CEP350: variants seen among roughly 807,000 people sequenced by gnomAD.
CEP350 encodes centrosome-associated protein 350.
Under a neutral mutation model 331.8 loss-of-function variants are expected in CEP350, and 126 were observed. That is an observed-to-expected ratio of 0.38 (90% CI 0.33 to 0.44). The LOEUF is 0.44. CEP350 is among the 20% of genes least tolerant of loss of function. The probability of loss-of-function intolerance (pLI) is 1.00; values close to 1 mark genes in which losing one functional copy is unlikely to be tolerated. For synonymous variants in CEP350, 1,200 were observed against 1,259.5 expected (o/e 0.95, Z 1.00); for missense variants, 3,406 against 3,634.6 (o/e 0.94, Z 1.62).
intron 37 of CEP350, among the ~76,000 whole-genome samples, chr1:180,100,453 T>G (rs1157701807): frequency 6.6e-6 from 1 of 152,242 alleles, no homozygotes; most frequent in Non-Finnish European, 1.5e-5. Flanking sequence ...TTAAGAGGCA[T>G]TCATCTAACC....
At chr1:179,976,189 T>G (rs1651852444) in intron 1 of CEP350, among the ~76,000 whole-genome samples, 1 of 151,956 alleles carries the variant, frequency 6.6e-6, no homozygotes, top group African/African-American at 2.4e-5. Context: ...TTTTAATGTT[T>G]AAATTGTTCT....
At chr1:180,102,134 A>AT (rs750296355) in intron 37 of CEP350, among the ~76,000 whole-genome samples, 3,591 of 133,904 alleles carry the variant, frequency 0.027, 134 homozygotes, top group African/African-American at 0.081. Flanking sequence ...CACCCTTGAC[A>AT]TTTTTTTTTT....
intron 22 of CEP350, among the ~76,000 whole-genome samples, chr1:180,049,314 A>G (rs1275579121): frequency 2.6e-5 from 4 of 152,232 alleles, no homozygotes; most frequent in African/African-American, 4.8e-5. Context: ...TGTTTGTGCC[A>G]TATCTCAAGT....
At chr1:180,073,986 T>G in intron 27 of CEP350, 1 of 1,221,532 alleles carries the variant, frequency 8.2e-7, no homozygotes, top group South Asian at 1.3e-5. Context: ...TGCTTTTCTC[T>G]CTCTCTCTCT....
chr1:180,095,684 A>G lies in CEP350; in HGVS notation c.8673A>G (p.Ala2891=). Reference sequence around the variant, plus strand: ...CTCACAAGATCCAAAAAAATAAGGCAGAAGAAACCATTGTACCTCTAATGG... The same window carrying G: ...CTCACAAGATCCAAAAAAATAAGGCGGAAGAAACCATTGTACCTCTAATGG... ...SSSHKIQKNK[A]EETIVPLMAE... The change falls in exon 35 of 38, where the codon GCA becomes GCG. Residue 2891 remains alanine (A), a synonymous_variant. Coordinates refer to ENST00000367607, the MANE Select transcript of CEP350 (RefSeq NM_014810.5). 1 of 1,614,008 alleles carries G rather than the reference A, an allele frequency of 6.2e-7. No homozygotes were observed. The highest frequency in any genetic ancestry group is 8.5e-7 in the Non-Finnish European group (1 of 1,179,888).
intron 32 of CEP350, among the ~76,000 whole-genome samples, chr1:180,089,194 T>G (rs1660028911): frequency 6.6e-6 from 1 of 152,166 alleles, no homozygotes; most frequent in Non-Finnish European, 1.5e-5. Flanking sequence ...AGAGTAAGCT[T>G]AGAAGCAGGA....
Position 180,043,083 on chromosome 1 carries a change from T to C in CEP350, c.4390T>C (p.Ser1464Pro). 6 of 1,613,660 alleles carry C rather than the reference T, an allele frequency of 3.7e-6. No homozygotes were observed. Among genetic ancestry groups the C allele is most frequent in the Non-Finnish European group, 5.1e-6 (6 of 1,179,700 alleles). ...EMAELTRTHI[S>P]DAVVASGAPL... ...GGCAGAGTTGACTAGAACTCATATCTCAGATGCTGTCGTGGCTTCAGGAGC... is the reference window on the plus strand; with the variant it reads ...GGCAGAGTTGACTAGAACTCATATCCCAGATGCTGTCGTGGCTTCAGGAGC... Residue 1464 changes from serine to proline, a missense_variant, in exon 20 of 38, where the codon TCA becomes CCA. Transcript: ENST00000367607.
intron 1 of CEP350, among the ~76,000 whole-genome samples, chr1:179,977,130 C>G (rs1033786178): frequency 3.9e-5 from 6 of 152,136 alleles, no homozygotes; most frequent in African/African-American, 1.4e-4. Context: ...GCTTTTGAGT[C>G]GCTTCCTTAG....
chr1:180,110,917 A>G, intron 37 of CEP350, 80 bp from the exon 38 acceptor site: 1 of 1,191,260 alleles, frequency 8.4e-7, no homozygotes, highest in Non-Finnish European at 1.2e-6. Context: ...TCCTATGGAT[A>G]GGACTACAAA....
chr1:179,996,883 C>G lies in CEP350; in HGVS notation c.726C>G (p.Asn242Lys), dbSNP rs369686550. ...ATAATTTGAAGCTTTCTGTGAATAA[C>G]ATGGCCCATGATACTGATCCAAAAG... Reference protein sequence around the residue: ...SENNLKLSVNNMAHDTDPKAL... With the variant: ...SENNLKLSVNKMAHDTDPKAL... The change falls in exon 6 of 38, where the codon AAC (asparagine) becomes AAG (lysine). Residue 242 changes from asparagine (N) to lysine (K), a missense_variant. Coordinates refer to ENST00000367607, the MANE Select transcript of CEP350 (RefSeq NM_014810.5). The G allele has an allele frequency of 1.9e-6, 3 of 1,614,002 alleles. No homozygotes were observed. The highest frequency in any genetic ancestry group is 2.5e-6 in the Non-Finnish European group (3 of 1,179,856).
At chr1:180,088,221 G>A (rs925411017) in intron 32 of CEP350, among the ~76,000 whole-genome samples, 1 of 151,950 alleles carries the variant, frequency 6.6e-6, no homozygotes, top group African/African-American at 2.4e-5. Flanking sequence ...AGTAAATGAC[G>A]GTTCTCTGCA....
chr1:180,047,568 C>T (rs531332216), intron 21 of CEP350, among the ~76,000 whole-genome samples: 91 of 151,648 alleles, frequency 6.0e-4, no homozygotes, highest in African/African-American at 2.2e-3. Context: ...ATCAGCCTGG[C>T]CAACATAGCG....
intron 27 of CEP350, among the ~76,000 whole-genome samples, chr1:180,066,700 A>G (rs1658566792): frequency 6.6e-6 from 1 of 152,240 alleles, no homozygotes; most frequent in Non-Finnish European, 1.5e-5. Context: ...GATGATTTCC[A>G]TGGGATAGAC....
At position 180,057,192 on chromosome 1, in the gene CEP350, G is replaced by A. The variant is rs376144689; in HGVS notation, c.5262+2690G>A. On this transcript the variant is annotated intron_variant, in intron 25 of 37. Coordinates refer to ENST00000367607, the MANE Select transcript of CEP350 (RefSeq NM_014810.5). ...TGGCTCACTGCAACCCCTGCCTCTCGGGTACAAGTGATTCTCCTGCCTCAG... is the reference window on the plus strand; with the variant it reads ...TGGCTCACTGCAACCCCTGCCTCTCAGGTACAAGTGATTCTCCTGCCTCAG... Among the ~76,000 whole-genome samples, 19 of 150,894 alleles carry A rather than the reference G, an allele frequency of 1.3e-4. No individual in the cohort carries two copies. In the East Asian group the frequency reaches 1.8e-3, roughly 14 times the overall value.
chr1:179,976,705 G>A (rs1215466088), intron 1 of CEP350, among the ~76,000 whole-genome samples: 2 of 151,720 alleles, frequency 1.3e-5, no homozygotes, highest in African/African-American at 4.8e-5. Flanking sequence ...ATGAAATATA[G>A]GAAATGAATT....
intron 3 of CEP350, 30 bp from the exon 4 acceptor site, chr1:179,990,477 T>G: frequency 8.7e-7 from 1 of 1,154,162 alleles, no homozygotes; most frequent in Non-Finnish European, 1.3e-6. Context: ...CAGAATTAAC[T>G]TATGTCTTAT....
chr1:180,021,128 T>C, intron 12 of CEP350, 119 bp downstream of exon 12: 2 of 783,596 alleles, frequency 2.6e-6, no homozygotes, highest in Non-Finnish European at 3.7e-6. Flanking sequence ...GGAGACTTAT[T>C]ACTGTCCGTA....
At chr1:180,033,542 T>C (rs1656157749) in intron 15 of CEP350, among the ~76,000 whole-genome samples, 1 of 152,184 alleles carries the variant, frequency 6.6e-6, no homozygotes, top group Non-Finnish European at 1.5e-5. Context: ...AGACTTTGCT[T>C]CATGCTATAA....
intron 3 of CEP350, among the ~76,000 whole-genome samples, chr1:179,990,017 C>T (rs1027943645): frequency 1.3e-5 from 2 of 151,726 alleles, no homozygotes; most frequent in Non-Finnish European, 2.9e-5. Flanking sequence ...GTGGAAACTC[C>T]ATCTCTACTA....
Sources: allele counts gnomAD v4.1 joint callset (sites outside exome capture counted in the v4.1 genomes callset), GRCh38; gene constraint gnomAD v4.1.1; transcripts MANE v1.5; gene names NCBI Gene and HGNC (gene_info 2026-07-23, HGNC 2026-07-21).